The following DMAC1 variants were observed in gnomAD, a reference collection of about 807,000 sequenced individuals.
The protein encoded by DMAC1 is distal membrane arm assembly component 1.
In DMAC1, 10 loss-of-function variants were observed where a neutral mutation model predicts 7.0. The ratio of observed to expected loss-of-function variants is 1.43; its 90% CI spans 0.88 to 2.43. The LOEUF is 2.43. Among genes scored for constraint, DMAC1 ranks in the 30% most tolerant of loss-of-function variants. DMAC1 has a pLI of 0.00. For missense variants in DMAC1, 219 were observed against 158.7 expected, an observed-to-expected ratio of 1.38 and a Z score of -2.04; for synonymous variants, 92 against 66.2, an observed-to-expected ratio of 1.39 and a Z score of -1.90.
chr9:7,798,218 T>G lies in DMAC1; in HGVS notation c.*355A>C, dbSNP rs1294450100. 1.8e-5 allele frequency: 3 copies of G among 166,232 alleles called. No homozygotes were observed. The highest frequency in any genetic ancestry group is 6.1e-5 in the Admixed American group (1 of 16,288). 10.3% of individuals were successfully genotyped at this position (166,232 alleles called of 1,614,324 possible). On this transcript the variant is annotated 3_prime_UTR_variant, in exon 2 of 2. Transcript: ENST00000358227. ...ACTATATAACTAAACATATTTATGT[T>G]TATTATATATAATATGACATGCAAT...
rs778030114 is a variant in DMAC1, at chr9:7,799,498, C to CG, written c.236dup (p.Ser80GlufsTer80). On this transcript the variant is annotated frameshift_variant, in exon 1 of 2. Coordinates refer to ENST00000358227, the MANE Select transcript of DMAC1 (RefSeq NM_033428.3). LOFTEE classifies it high-confidence loss of function. ...CCATCTGCGTAATGGTCCATGGACT[C>CG]GGGGGGTATCCCATCTTCATGGGCT... is the stretch of plus-strand genomic sequence containing the variant. 3.7e-6 allele frequency: 6 copies of CG among 1,613,294 alleles called. No homozygotes were observed. The highest frequency in any genetic ancestry group is 1.1e-5 in the South Asian group (1 of 91,024).
Position 7,799,762 on chromosome 9 carries a change from C to T in DMAC1, c.-28G>A, listed in dbSNP as rs766313887. On this transcript the variant is annotated 5_prime_UTR_variant, in exon 1 of 2. Coordinates refer to ENST00000358227, the MANE Select transcript of DMAC1 (RefSeq NM_033428.3). ...TCTGGAACTCGGCCTCAACCTTGGG[C>T]GTCTTTGGTTCAAACTGGCGTAAAC... is the stretch of plus-strand genomic sequence containing the variant. The T allele has an allele frequency of 1.0e-4, 157 of 1,499,776 alleles. No individual in the cohort carries two copies. Among genetic ancestry groups the T allele is most frequent in the Non-Finnish European group, 1.4e-4 (155 of 1,130,434 alleles). 92.9% of individuals were successfully genotyped at this position (1,499,776 alleles called of 1,614,324 possible).
chr9:7,798,425 C>A lies in DMAC1; in HGVS notation c.*148G>T, dbSNP rs528480952. The A allele has an allele frequency of 9.1e-6, 8 of 876,820 alleles. No individual in the cohort carries two copies. In the East Asian group the frequency reaches 1.8e-4, roughly 19 times the overall value. The allele number at this position is 876,820 out of a possible 1,614,324, so 54.3% of individuals were successfully genotyped here. On this transcript the variant is annotated 3_prime_UTR_variant, in exon 2 of 2. Coordinates refer to ENST00000358227, the MANE Select transcript of DMAC1 (RefSeq NM_033428.3). ...TCCATAGCCAGAGAATGACAACATA[C>A]GATTTTCTTCTCAGTCTTGTAGTAT...
In DMAC1 at chr9:7,797,702, T is replaced by TC. The variant is rs892945931; in HGVS notation, c.*870_*871insG. On this transcript the variant is annotated 3_prime_UTR_variant, in exon 2 of 2. Coordinates refer to ENST00000358227, the MANE Select transcript of DMAC1 (RefSeq NM_033428.3). ...TTGTGGAAAAAGAATCAAAAGATCT[T>TC]TTTTTTTTTTAGCTAAAGGTTTTGA... 4 of 130,760 alleles carry TC rather than the reference T, an allele frequency of 3.1e-5. No individual in the cohort carries two copies. The highest frequency in any genetic ancestry group is 6.1e-5 in the Non-Finnish European group (4 of 66,020). The allele number at this position is 130,760 out of a possible 1,614,324, so 8.1% of individuals were successfully genotyped here.
chr9:7,797,674 T>C lies in DMAC1; in HGVS notation c.*899A>G, dbSNP rs1417192005. 6.6e-6 allele frequency: 1 copy of C among 151,556 alleles called. No homozygotes were observed. The highest frequency in any genetic ancestry group is 2.4e-5 in the African/African-American group (1 of 41,206). The allele number at this position is 151,556 out of a possible 1,614,324, so 9.4% of individuals were successfully genotyped here. On this transcript the variant is annotated 3_prime_UTR_variant, in exon 2 of 2. Transcript: ENST00000358227. ...AAAATCATCACAGAAACATATCTAG[T>C]GCTTGTGGAAAAAGAATCAAAAGAT...
At position 7,796,692 on chromosome 9, in the gene DMAC1, C is replaced by G. The variant is rs1818607068; in HGVS notation, c.*1881G>C. On this transcript the variant is annotated 3_prime_UTR_variant, in exon 2 of 2. Coordinates refer to ENST00000358227, the MANE Select transcript of DMAC1 (RefSeq NM_033428.3). ...AGAAAGACCAACTCCTCTTGCTCCT[C>G]AGACTACTCAGCGTGAAGATGAGGA... is the stretch of plus-strand genomic sequence containing the variant. 6.6e-6 allele frequency: 1 copy of G among 152,228 alleles called. No homozygotes were observed. The allele number at this position is 152,228 out of a possible 1,614,324, so 9.4% of individuals were successfully genotyped here.
rs760389767 is a variant in DMAC1, at chr9:7,798,552, A to G, written c.*21T>C. The G allele has an allele frequency of 1.3e-5, 21 of 1,613,650 alleles. No individual in the cohort carries two copies. The highest frequency in any genetic ancestry group is 8.8e-5 in the South Asian group (8 of 91,078). ...ACGGGGAAAGGGACAGAGACAGAAG[A>G]CAGATTCACTGGTGGTACTTTCAAA... On this transcript the variant is annotated 3_prime_UTR_variant, in exon 2 of 2. Coordinates refer to ENST00000358227, the MANE Select transcript of DMAC1 (RefSeq NM_033428.3).
At position 7,798,655 on chromosome 9, in the gene DMAC1, A is replaced by G. The variant is rs373329341; in HGVS notation, c.275-18T>C. 1.0e-5 allele frequency: 16 copies of G among 1,536,544 alleles called. No individual in the cohort carries two copies. The African/African-American group carries it at 1.9e-4, about 18-fold the overall frequency. ...GGCAATGCCTAGAAAAAAAACAACAATACCTTACCTTTATGCTGCATTTAA... is the reference window on the plus strand; with the variant it reads ...GGCAATGCCTAGAAAAAAAACAACAGTACCTTACCTTTATGCTGCATTTAA... On this transcript the variant is annotated intron_variant, in intron 1 of 1. Transcript: ENST00000358227.
At position 7,798,622 on chromosome 9, in the gene DMAC1, C is replaced by A; in HGVS notation, c.290G>T (p.Gly97Val). 1.9e-6 allele frequency: 3 copies of A among 1,580,748 alleles called. No individual in the cohort carries two copies. Among genetic ancestry groups the A allele is most frequent in the African/African-American group, 2.7e-5 (2 of 74,006 alleles). The change falls in exon 2 of 2, where the codon GGT (glycine) becomes GTT (valine). Residue 97 changes from glycine to valine, a missense_variant. Physicochemically the swap from Gly to Val is moderately radical, Grantham distance 109. Coordinates refer to ENST00000358227, the MANE Select transcript of DMAC1 (RefSeq NM_033428.3). ...MVIGLSIATW[G>V]IVVMADPKGK... ...TTTGGGGTCTGCCATGACAACGATA[C>A]CCCAGGTGGCAATGCCTAGAAAAAA...
rs1332369651 is a variant in DMAC1, at chr9:7,798,577, A to G, written c.335T>C (p.Val112Ala). The G allele has an allele frequency of 6.2e-7, 1 of 1,613,712 alleles. No homozygotes were observed. The highest frequency in any genetic ancestry group is 1.7e-5 in the Admixed American group (1 of 59,996). The stretch of plus-strand genomic sequence containing the variant: ...ACAGATTCACTGGTGGTACTTTCAA[A>G]CAACGCGGTAGGCCTTCCCTTTGGG... ...ADPKGKAYRV[V>A] is the part of the protein sequence containing the mutation. Residue 112 changes from valine (V) to alanine (A), a missense_variant, in exon 2 of 2, where the codon GTT (valine) becomes GCT (alanine). Coordinates refer to ENST00000358227, the MANE Select transcript of DMAC1 (RefSeq NM_033428.3).
chr9:7,798,352 T>A lies in DMAC1; in HGVS notation c.*221A>T. ...ATAAGACAAAGAACCTGTTTACTTC[T>A]CTGAGGGATTTATTGGTTCCTGTGA... On this transcript the variant is annotated 3_prime_UTR_variant, in exon 2 of 2. Coordinates refer to ENST00000358227, the MANE Select transcript of DMAC1 (RefSeq NM_033428.3). 2 of 523,816 alleles carry A rather than the reference T, an allele frequency of 3.8e-6. No individual in the cohort carries two copies. Among genetic ancestry groups the A allele is most frequent in the South Asian group, 2.9e-5 (1 of 34,098 alleles). 32.4% of individuals were successfully genotyped at this position (523,816 alleles called of 1,614,324 possible). A position where few individuals can be genotyped will look rare whatever the true frequency, so the allele number is the denominator to read the frequency against.
In DMAC1 at chr9:7,799,512, T is replaced by C; in HGVS notation, c.223A>G (p.Met75Val). 1 of 1,613,434 alleles carries C rather than the reference T, an allele frequency of 6.2e-7. No individual in the cohort carries two copies. The highest frequency in any genetic ancestry group is 1.3e-5 in the African/African-American group (1 of 74,958). The stretch of plus-strand genomic sequence containing the variant: ...GTCCATGGACTCGGGGGGTATCCCA[T>C]CTTCATGGGCTTCCGTGCCACCCAG... The part of the protein sequence containing the change: ...VYWVARKPMK[M>V]GYPPSPWTIT... The change falls in exon 1 of 2, where the codon ATG becomes GTG. Residue 75 changes from methionine (M) to valine (V), a missense_variant. By Grantham distance (21) the Met-to-Val change is conservative. Transcript: ENST00000358227.
chr9:7,799,069 C>A (rs1198404424), intron 1 of DMAC1, among the ~76,000 whole-genome samples: 1 of 152,020 alleles, frequency 6.6e-6, no homozygotes, highest in Admixed American at 6.5e-5. Context: ...CTCGCTCAGG[C>A]TTTCTCCAGG....
At position 7,799,756 on chromosome 9, in the gene DMAC1, C is replaced by A. The variant is rs764392669; in HGVS notation, c.-22G>T. ...CCATGCTCTGGAACTCGGCCTCAAC[C>A]TTGGGCGTCTTTGGTTCAAACTGGC... On this transcript the variant is annotated 5_prime_UTR_variant, in exon 1 of 2. In the 5' UTR this introduces an upstream ATG that the reference lacks. Transcript: ENST00000358227. 2.0e-6 allele frequency: 3 copies of A among 1,501,994 alleles called. No homozygotes were observed. Among genetic ancestry groups the A allele is most frequent in the Non-Finnish European group, 1.8e-6 (2 of 1,131,216 alleles). 93.0% of individuals were successfully genotyped at this position (1,501,994 alleles called of 1,614,324 possible).
chr9:7,799,146 C>T (rs1184705772), intron 1 of DMAC1, among the ~76,000 whole-genome samples: 1 of 152,050 alleles, frequency 6.6e-6, no homozygotes, highest in Non-Finnish European at 1.5e-5. Flanking sequence ...CATTTCCTGA[C>T]CATGAACACA....
Position 7,799,506 on chromosome 9 carries a change from A to C in DMAC1, c.229T>G (p.Tyr77Asp), listed in dbSNP as rs1476171158. The change falls in exon 1 of 2, where the codon TAC (tyrosine) becomes GAC (aspartate). Residue 77 changes from tyrosine (Y) to aspartate (D), a missense_variant. By Grantham distance (160) the Tyr-to-Asp change is radical. Transcript: ENST00000358227. ...WVARKPMKMG[Y>D]PPSPWTITQM... The stretch of plus-strand genomic sequence containing the variant: ...GTAATGGTCCATGGACTCGGGGGGT[A>C]TCCCATCTTCATGGGCTTCCGTGCC... 3 of 1,613,382 alleles carry C rather than the reference A, an allele frequency of 1.9e-6. No individual in the cohort carries two copies. In the African/African-American group the frequency reaches 4.0e-5, roughly 22 times the overall value.
Position 7,798,518 on chromosome 9 carries a change from G to C in DMAC1, c.*55C>G, listed in dbSNP as rs4742410. The C allele has an allele frequency of 0.97, 1,539,866 of 1,589,318 alleles. 746,907 individuals carry two copies. The highest frequency in any genetic ancestry group is 0.98 in the Non-Finnish European group (1,137,913 of 1,157,404). ...ACACCCATTAAATTCCATGCCTGCT[G>C]TGTGTGTCACGGGGAAAGGGACAGA... On this transcript the variant is annotated 3_prime_UTR_variant, in exon 2 of 2. Transcript: ENST00000358227.
At chr9:7,799,146 C>A (rs1184705772) in intron 1 of DMAC1, among the ~76,000 whole-genome samples, 1 of 152,050 alleles carries the variant, frequency 6.6e-6, no homozygotes, top group African/African-American at 2.4e-5. Context: ...CATTTCCTGA[C>A]CATGAACACA....
Position 7,799,610 on chromosome 9 carries a change from C to T in DMAC1, c.125G>A (p.Arg42His), listed in dbSNP as rs754727220. Residue 42 changes from arginine (R) to histidine (H), a missense_variant, in exon 1 of 2, where the codon CGC (arginine) becomes CAC (histidine). Physicochemically the swap from Arg to His is conservative, Grantham distance 29. Transcript: ENST00000358227. ...ACAGCTCCAGCAGGTCTTCAACAGG[C>T]GGTGTTCTGCTGGGGAGGTCGGCGC... Reference protein sequence around the residue: ...PGAPTSPAEHRLLKTCWSCRV... With the variant: ...PGAPTSPAEHHLLKTCWSCRV... The T allele has an allele frequency of 3.3e-5, 53 of 1,613,370 alleles. No homozygotes were observed. The highest frequency in any genetic ancestry group is 3.6e-5 in the Non-Finnish European group (42 of 1,179,918).
Sources: allele counts gnomAD v4.1 joint callset (sites outside exome capture counted in the v4.1 genomes callset), GRCh38; gene constraint gnomAD v4.1.1; transcripts MANE v1.5; gene names NCBI Gene and HGNC (gene_info 2026-07-23, HGNC 2026-07-21).